Variants in MSANTD2 observed in about 807,000 individuals in gnomAD.
MSANTD2 encodes the protein myb/SANT-like DNA-binding domain-containing protein 2.
MSANTD2 carries 19 observed loss-of-function variants against 52.6 expected under a neutral mutation model. That is an observed-to-expected ratio of 0.36 (90% confidence interval 0.25 to 0.53). The LOEUF (loss-of-function observed/expected upper bound fraction) is 0.53. Ranked by LOEUF, MSANTD2 falls within the 20% of genes least tolerant of loss-of-function variation. MSANTD2 has a pLI of 0.91. For synonymous variants in MSANTD2, 291 were observed against 289.7 expected, an observed-to-expected ratio of 1.00 and a Z score of -0.04; for missense variants, 558 against 716.3, an observed-to-expected ratio of 0.78 and a Z score of 2.52.
In MSANTD2 at chr11:124,767,700, A is replaced by G. The variant is rs776550922; in HGVS notation, c.1156T>C (p.Leu386=). ...LEITISEARC[L]ELHMEIDWIP... is the part of the protein sequence containing the mutation. ...CAGTCAATTTCCATGTGCAGCTCCA[A>G]GCACCTAGCTTCGCTAATAGTGATC... Residue 386 remains leucine, a synonymous_variant, in exon 4 of 4, where the codon TTG becomes CTG. Coordinates refer to ENST00000374979, the MANE Select transcript of MSANTD2 (RefSeq NM_001308027.2). The surrounding 1 kb of genome is among the most constrained non-coding windows in gnomAD (Gnocchi z 6.5). The G allele has an allele frequency of 6.2e-7, 1 of 1,614,264 alleles. No homozygotes were observed. Among genetic ancestry groups the G allele is most frequent in the Non-Finnish European group, 8.5e-7 (1 of 1,180,044 alleles).
intron 1 of MSANTD2, among the ~76,000 whole-genome samples, chr11:124,786,770 G>A (rs908059992): frequency 2.0e-5 from 3 of 152,140 alleles, no homozygotes; most frequent in Non-Finnish European, 4.4e-5. Flanking sequence ...AGAAATATCA[G>A]CATAATGCTG....
At chr11:124,788,823 A>G (rs541560) in intron 1 of MSANTD2, among the ~76,000 whole-genome samples, 38,493 of 152,190 alleles carry the variant, frequency 0.25, 4,986 homozygotes, top group South Asian at 0.35. Context: ...CATTCTTAAT[A>G]TAACAATAGC....
At chr11:124,789,231 T>A (rs1945257567) in intron 1 of MSANTD2, 1 of 152,200 alleles carries the variant, frequency 6.6e-6, no homozygotes, top group South Asian at 2.1e-4. Context: ...AAAAAAATAA[T>A]AAAAGCAGTT....
chr11:124,773,010 A>G lies in MSANTD2; in HGVS notation c.811T>C (p.Ser271Pro). 6.3e-7 allele frequency: 1 copy of G among 1,599,456 alleles called. No individual in the cohort carries two copies. The highest frequency in any genetic ancestry group is 8.6e-7 in the Non-Finnish European group (1 of 1,167,336). ...TKRTLKIKQESSEEAQKRDIM... is the reference protein window; with the variant it reads ...TKRTLKIKQEPSEEAQKRDIM... ...TCTACTTACTGTGCTTCTTCAGAAG[A>G]CTCTTGTTTTATTTTTAATGTTCTC... is the stretch of plus-strand genomic sequence containing the variant. Residue 271 changes from serine (S) to proline (P), a missense_variant, in exon 3 of 4, where the codon TCT becomes CCT. Physicochemically the swap from Ser to Pro is moderately conservative, Grantham distance 74. This residue lies in a region of MSANTD2 where 408 missense variants were observed against 573.6 expected (regional missense o/e 0.71). Transcript: ENST00000374979.
In MSANTD2 at chr11:124,784,555, A is replaced by C. The variant is rs186263583; in HGVS notation, c.511-9581T>G. 3.6e-3 allele frequency: 3,506 copies of C among 985,294 alleles called. 11 individuals carry two copies. The highest frequency in any genetic ancestry group is 8.2e-3 in the South Asian group (174 of 21,268). The allele number at this position is 985,294 out of a possible 1,614,324, so 61.0% of individuals were successfully genotyped here. A position where few individuals can be genotyped will look rare whatever the true frequency, so the allele number is the denominator to read the frequency against. ...ACATCGTATTGCTTCCCAAATACGA[A>C]GGTGTTTCCATTCATGAGACCAATG... is the stretch of plus-strand genomic sequence containing the variant. On this transcript the variant is annotated intron_variant, in intron 1 of 3. Coordinates refer to ENST00000374979, the MANE Select transcript of MSANTD2 (RefSeq NM_001308027.2).
At chr11:124,798,761 T>C (rs1945580004) in intron 1 of MSANTD2, among the ~76,000 whole-genome samples, 1 of 151,994 alleles carries the variant, frequency 6.6e-6, no homozygotes. Flanking sequence ...ATCATTCTTA[T>C]TTTATAATTG....
chr11:124,784,265 C>A (rs2135254479), intron 1 of MSANTD2: 3 of 985,332 alleles, frequency 3.0e-6, no homozygotes, highest in East Asian at 1.1e-4. Context: ...CTCTTTGAAT[C>A]TTTTTCTCAG....
intron 1 of MSANTD2, among the ~76,000 whole-genome samples, chr11:124,784,979 T>C (rs1175819686): frequency 6.6e-6 from 1 of 152,160 alleles, no homozygotes; most frequent in African/African-American, 2.4e-5. Context: ...CTGACACATA[T>C]CCTTTCTAAG....
intron 1 of MSANTD2, among the ~76,000 whole-genome samples, chr11:124,794,969 C>G (rs1302878414): frequency 2.0e-5 from 3 of 152,152 alleles, no homozygotes; most frequent in Non-Finnish European, 4.4e-5. Context: ...AACTCCACCT[C>G]CCAACCTCAA....
intron 1 of MSANTD2, among the ~76,000 whole-genome samples, chr11:124,781,439 C>T (rs758714969): frequency 6.6e-5 from 10 of 152,152 alleles, no homozygotes; most frequent in Non-Finnish European, 1.3e-4. Flanking sequence ...GAAAAACACA[C>T]ATCCAGAAAC....
chr11:124,793,325 C>T (rs1037403867), intron 1 of MSANTD2, among the ~76,000 whole-genome samples: 40 of 151,852 alleles, frequency 2.6e-4, no homozygotes, highest in African/African-American at 8.7e-4. Context: ...TTATCGCCAA[C>T]TCTCATCATA....
Position 124,779,567 on chromosome 11 carries a change from ATTG to A in MSANTD2, c.511-4596_511-4594del. On this transcript the variant is annotated intron_variant, in intron 1 of 3. Transcript: ENST00000374979. This position sits in a 1 kb window ranked among gnomAD's most constrained non-coding sequence, Gnocchi z 4.6. ...TAAGGCATAACAGCTATATAAATGT[ATTG>A]TTTAGAAAACATTGGCTTGATCAGT... is the stretch of plus-strand genomic sequence containing the variant. Among the ~76,000 whole-genome samples, 1 of 152,382 alleles carries A rather than the reference ATTG, an allele frequency of 6.6e-6. No individual in the cohort carries two copies. Among genetic ancestry groups the A allele is most frequent in the Non-Finnish European group, 1.5e-5 (1 of 68,034 alleles).
chr11:124,796,968 G>A (rs1445212269), intron 1 of MSANTD2, among the ~76,000 whole-genome samples: 1 of 152,136 alleles, frequency 6.6e-6, no homozygotes, highest in African/African-American at 2.4e-5. Flanking sequence ...AGCATAATCT[G>A]AGTTACTTGA....
intron 1 of MSANTD2, among the ~76,000 whole-genome samples, chr11:124,794,121 A>G (rs1945419642): frequency 6.6e-6 from 1 of 152,176 alleles, no homozygotes; most frequent in African/African-American, 2.4e-5. Context: ...ACTGAGGTAG[A>G]TAGAGAATAT....
At chr11:124,788,456 G>C (rs1945233685) in intron 1 of MSANTD2, among the ~76,000 whole-genome samples, 1 of 152,204 alleles carries the variant, frequency 6.6e-6, no homozygotes, top group African/African-American at 2.4e-5. Flanking sequence ...TTATGCTGCA[G>C]TGAAGAAGTT....
intron 1 of MSANTD2, among the ~76,000 whole-genome samples, chr11:124,796,914 T>C (rs902939269): frequency 2.0e-4 from 31 of 152,222 alleles, no homozygotes; most frequent in African/African-American, 7.2e-4. Flanking sequence ...TTTTCAGAGG[T>C]TTGAGATTCT....
Position 124,800,159 on chromosome 11 carries a change from G to C in MSANTD2, c.222C>G (p.Ser74Arg), listed in dbSNP as rs1945649628. The stretch of plus-strand genomic sequence containing the variant: ...AGAAGGAGACCGAGGACGAGGCGGC[G>C]CTGCGGCCCCCCAGCCCCAGCCCGA... The part of the protein sequence containing the change: ...GGLGLGLGGR[S>R]AASSSVSFSP... Residue 74 changes from serine to arginine, a missense_variant, in exon 1 of 4, where the codon AGC becomes AGG. Transcript: ENST00000374979. The surrounding 1 kb of genome is among the most constrained non-coding windows in gnomAD (Gnocchi z 4.3). The C allele has an allele frequency of 6.8e-7, 1 of 1,470,472 alleles. No individual in the cohort carries two copies. Among genetic ancestry groups the C allele is most frequent in the Non-Finnish European group, 8.9e-7 (1 of 1,118,768 alleles). 91.1% of individuals were successfully genotyped at this position (1,470,472 alleles called of 1,614,324 possible). A position where few individuals can be genotyped will look rare whatever the true frequency, so the allele number is the denominator to read the frequency against.
chr11:124,790,037 T>C (rs1000367977), intron 1 of MSANTD2: 2 of 152,258 alleles, frequency 1.3e-5, no homozygotes, highest in African/African-American at 4.8e-5. Flanking sequence ...TTCTATTTTA[T>C]TTCGTTTGTT....
chr11:124,797,607 G>A (rs779633101), intron 1 of MSANTD2, among the ~76,000 whole-genome samples: 34 of 152,198 alleles, frequency 2.2e-4, no homozygotes, highest in Non-Finnish European at 4.6e-4. Flanking sequence ...TATCATTCTG[G>A]CAGGAACACT....
Sources: gnomAD v4.1 joint callset for allele counts (sites outside exome capture counted in the v4.1 genomes callset) on GRCh38, gnomAD v4.1.1 for gene constraint, gnomAD v4.1.1 regional missense constraint, Gnocchi (gnomAD v3.1) non-coding constraint, MANE v1.5 for transcripts, NCBI Gene and HGNC (gene_info 2026-07-23, HGNC 2026-07-21) for gene names.